Variants in CLASP1 observed in about 807,000 individuals in gnomAD.
The protein encoded by CLASP1 is CLIP-associating protein 1.
In CLASP1, 38 loss-of-function variants were observed where a neutral mutation model predicts 192.3. The ratio of observed to expected loss-of-function variants is 0.20; its 90% CI spans 0.15 to 0.26. The LOEUF (loss-of-function observed/expected upper bound fraction) is 0.26. Ranked by LOEUF, CLASP1 falls within the 10% of genes least tolerant of loss-of-function variation. The pLI is 1.00. For synonymous variants in CLASP1, 691 were observed against 712.8 expected (o/e 0.97, Z 0.49); for missense variants, 1,433 against 1,932.5 (o/e 0.74, Z 4.85).
At chr2:121,647,290 C>A (rs1056000784) in intron 1 of CLASP1, among the ~76,000 whole-genome samples, 1 of 152,156 alleles carries the variant, frequency 6.6e-6, no homozygotes, top group African/African-American at 2.4e-5. Context: ...ATCACTTGAA[C>A]CCAGGAGGTG....
At chr2:121,578,420 T>C (rs1576174193) in intron 2 of CLASP1, among the ~76,000 whole-genome samples, 2 of 43,530 alleles carry the variant, frequency 4.6e-5, no homozygotes, top group African/African-American at 1.0e-4. Context: ...AGAGACTATC[T>C]CCAAAAAAAA....
chr2:121,459,462 CA>C (rs1259782635), intron 12 of CLASP1, among the ~76,000 whole-genome samples: 1 of 152,128 alleles, frequency 6.6e-6, no homozygotes, highest in Non-Finnish European at 1.5e-5. Flanking sequence ...TGACTTCAGC[CA>C]AAACTTAAAA....
rs970930829 is a variant in CLASP1, at chr2:121,438,356, GT to G, written c.1913-8180del. Reference sequence around the variant, plus strand: ...GATTAGGGGTTTTTTTTCCCCCTCTGTTTAAGGCAAAGTCAAGACAGACATT... The same window carrying G: ...GATTAGGGGTTTTTTTTCCCCCTCTGTTAAGGCAAAGTCAAGACAGACATT... On this transcript the variant is annotated intron_variant, in intron 19 of 39. Coordinates refer to ENST00000263710, the Ensembl canonical transcript of CLASP1. Among the ~76,000 whole-genome samples, 8 of 152,164 alleles carry G rather than the reference GT, an allele frequency of 5.3e-5. No individual in the cohort carries two copies. In the South Asian group the frequency reaches 6.2e-4, roughly 12 times the overall value.
At chr2:121,348,440 A>G in intron 38 of CLASP1, 72 bp downstream of exon 39, 1 of 1,357,948 alleles carries the variant, frequency 7.4e-7, no homozygotes, top group Non-Finnish European at 1.0e-6. Flanking sequence ...AGGAGCACAA[A>G]GCCCTTACAT....
exon 31 of CLASP1, chr2:121,387,854 G>A (rs201519918): frequency 5.6e-6 from 9 of 1,612,346 alleles, no homozygotes; most frequent in Non-Finnish European, 6.8e-6. Flanking sequence ...AAGTAACATG[G>A]TAAATTCAGG....
chr2:121,513,063 T>C (rs1049894469), intron 7 of CLASP1: 4 of 152,226 alleles, frequency 2.6e-5, no homozygotes, highest in South Asian at 2.1e-4. Flanking sequence ...GAGCCACATA[T>C]AGCAGATACT....
At chr2:121,537,676 C>T (rs977806877) in intron 2 of CLASP1, among the ~76,000 whole-genome samples, 1 of 152,150 alleles carries the variant, frequency 6.6e-6, no homozygotes, top group African/African-American at 2.4e-5. Flanking sequence ...TAAAATATAC[C>T]TTTCTAGAAA....
intron 1 of CLASP1, among the ~76,000 whole-genome samples, chr2:121,644,831 GC>G (rs1466890192): frequency 6.6e-6 from 1 of 151,812 alleles, no homozygotes; most frequent in East Asian, 1.9e-4. Context: ...GGTGGTGCAT[GC>G]CTGTAGTCCC....
At chr2:121,499,444 T>A (rs12611456) in intron 8 of CLASP1, among the ~76,000 whole-genome samples, 6 of 151,264 alleles carry the variant, frequency 4.0e-5, no homozygotes, top group Non-Finnish European at 8.8e-5. Flanking sequence ...CTAATGGGAA[T>A]GGGACGTGAG....
intron 2 of CLASP1, chr2:121,530,651 T>C (rs765684283): frequency 2.5e-4 from 131 of 519,588 alleles, no homozygotes; most frequent in Middle Eastern, 5.1e-4. Context: ...GAGAAAAGCG[T>C]ATGCAAATTT....
intron 8 of CLASP1, among the ~76,000 whole-genome samples, chr2:121,478,988 C>CA (rs1186209364): frequency 3.3e-5 from 3 of 91,290 alleles, no homozygotes; most frequent in African/African-American, 1.5e-4. Context: ...ACACACCACA[C>CA]ACCCCACACA....
chr2:121,644,684 A>T (rs2072817148), intron 1 of CLASP1, among the ~76,000 whole-genome samples: 1 of 151,878 alleles, frequency 6.6e-6, no homozygotes, highest in African/African-American at 2.4e-5. Context: ...TAGTTGGGCC[A>T]GGCTTCCTAG....
intron 8 of CLASP1, among the ~76,000 whole-genome samples, chr2:121,488,147 TG>T (rs1279238238): frequency 2.6e-5 from 4 of 152,238 alleles, no homozygotes; most frequent in Non-Finnish European, 4.4e-5. Context: ...ATCTGGGTAC[TG>T]GATGGTTTCT....
intron 2 of CLASP1, among the ~76,000 whole-genome samples, chr2:121,574,386 G>A (rs1351818016): frequency 3.3e-5 from 5 of 150,836 alleles, no homozygotes; most frequent in African/African-American, 1.2e-4. Flanking sequence ...TGTAATCCTA[G>A]CACTTTGGGA....
chr2:121,491,396 T>C (rs748908459), intron 8 of CLASP1, among the ~76,000 whole-genome samples: 11 of 152,250 alleles, frequency 7.2e-5, no homozygotes, highest in Non-Finnish European at 1.3e-4. Context: ...AAAGCATGTG[T>C]ATTTTTTAAC....
intron 28 of CLASP1, among the ~76,000 whole-genome samples, chr2:121,398,882 T>C (rs2149446567): frequency 6.6e-6 from 1 of 152,314 alleles, no homozygotes; most frequent in Non-Finnish European, 1.5e-5. Context: ...AGAATGCCTG[T>C]GAGATGGCGA....
At chr2:121,428,192 T>C (rs1393466112) in intron 20 of CLASP1, among the ~76,000 whole-genome samples, 1 of 152,160 alleles carries the variant, frequency 6.6e-6, no homozygotes, top group Admixed American at 6.5e-5. Context: ...GAGAAAGAAC[T>C]GTAATCTTCA....
intron 34 of CLASP1, among the ~76,000 whole-genome samples, chr2:121,373,295 T>C (rs1377322644): frequency 1.3e-5 from 2 of 152,220 alleles, no homozygotes; most frequent in East Asian, 3.8e-4. Context: ...TGATTGTAAG[T>C]TTCCTGAGGC....
At chr2:121,524,817 G>A (rs2094536675) in intron 6 of CLASP1, among the ~76,000 whole-genome samples, 1 of 152,190 alleles carries the variant, frequency 6.6e-6, no homozygotes, top group African/African-American at 2.4e-5. Context: ...AAGAAAGCAG[G>A]GAGACAGCAG....
Sources: allele counts gnomAD v4.1 joint callset (sites outside exome capture counted in the v4.1 genomes callset), GRCh38; gene constraint gnomAD v4.1.1; transcripts MANE v1.5; gene names NCBI Gene and HGNC (gene_info 2026-07-23, HGNC 2026-07-21).